The following ATP6V1D variants were observed in gnomAD, a reference collection of about 807,000 sequenced individuals.
ATP6V1D encodes the protein V-type proton ATPase subunit D.
In ATP6V1D, 20 loss-of-function variants were observed where a neutral mutation model predicts 39.4. That is an observed-to-expected ratio of 0.51 (90% CI 0.36 to 0.74). The LOEUF (loss-of-function observed/expected upper bound fraction) is 0.74. Among genes scored for constraint, ATP6V1D ranks in the 30% least tolerant of loss-of-function variants. The pLI, the probability that ATP6V1D is intolerant of heterozygous loss-of-function variation, is 0.00. For missense variants in ATP6V1D, 228 were observed against 291.6 expected (o/e 0.78, Z 1.59); for synonymous variants, 100 against 100.5 (o/e 0.99, Z 0.03).
chr14:67,345,322 C>T (rs917816764), intron 6 of ATP6V1D, among the ~76,000 whole-genome samples: 24 of 151,292 alleles, frequency 1.6e-4, no homozygotes, highest in African/African-American at 5.6e-4. Flanking sequence ...TTTGGGAGGC[C>T]GAGGCGGGTG....
Position 67,345,758 on chromosome 14 carries a change from T to G in ATP6V1D, c.456+10A>C. ...AACTACAGGAGTTCTCCAGGTCTTTTGCTACTTACCTGCAGAGAAGCTAGT... is the reference window on the plus strand; with the variant it reads ...AACTACAGGAGTTCTCCAGGTCTTTGGCTACTTACCTGCAGAGAAGCTAGT... On this transcript the variant is annotated intron_variant, in intron 6 of 8. Coordinates refer to ENST00000216442, the MANE Select transcript of ATP6V1D (RefSeq NM_015994.4). The G allele has an allele frequency of 1.9e-6, 3 of 1,592,492 alleles. No individual in the cohort carries two copies. Among genetic ancestry groups the G allele is most frequent in the Non-Finnish European group, 2.6e-6 (3 of 1,160,454 alleles).
chr14:67,340,704 C>T (rs995661491), intron 7 of ATP6V1D, among the ~76,000 whole-genome samples, 186 bp from the exon 8 acceptor site: 1 of 152,202 alleles, frequency 6.6e-6, no homozygotes, highest in South Asian at 2.1e-4. Context: ...CCTCTCCCCA[C>T]GGTCTCCCTC....
At chr14:67,345,622 A>G in intron 6 of ATP6V1D, 146 bp downstream of exon 6, 1 of 559,770 alleles carries the variant, frequency 1.8e-6, no homozygotes, top group African/African-American at 1.9e-5. Context: ...CACTTCAGAA[A>G]TCAAAATATT....
At chr14:67,353,655 A>T (rs10147362) in intron 1 of ATP6V1D, 47,284 of 151,640 alleles carry the variant, frequency 0.31, 11,281 homozygotes, top group African/African-American at 0.64. Flanking sequence ...GCCCAGCTAT[A>T]TTTTTTTGTA....
At chr14:67,339,985 C>G (rs1398398824) in intron 8 of ATP6V1D, 1 of 142,234 alleles carries the variant, frequency 7.0e-6, no homozygotes, top group East Asian at 2.1e-4. Context: ...GAGCCAAGAT[C>G]GAACCATTGC....
intron 7 of ATP6V1D, among the ~76,000 whole-genome samples, chr14:67,341,188 G>A (rs1187259741): frequency 6.6e-6 from 1 of 152,050 alleles, no homozygotes; most frequent in African/African-American, 2.4e-5. Flanking sequence ...TGGAAAGTGA[G>A]GAGCGTCTGT....
chr14:67,352,514 T>C (rs550759712), intron 2 of ATP6V1D, among the ~76,000 whole-genome samples: 1 of 152,038 alleles, frequency 6.6e-6, no homozygotes, highest in South Asian at 2.1e-4. Flanking sequence ...TAAGGAATTG[T>C]GAGAGAAGCA....
chr14:67,357,162 T>C (rs1049128859), intron 1 of ATP6V1D, among the ~76,000 whole-genome samples: 1 of 152,234 alleles, frequency 6.6e-6, no homozygotes, highest in African/African-American at 2.4e-5. Context: ...CACTCTACAA[T>C]TGTTTTTGCT....
rs73284824 is a variant in ATP6V1D at position 67,339,818 on chromosome 14, G to A, written c.602+622C>T. Among the ~76,000 whole-genome samples, 172 of 152,094 alleles carry A rather than the reference G, an allele frequency of 1.1e-3. 2 individuals are homozygous for A. The highest frequency in any genetic ancestry group is 3.9e-3 in the African/African-American group (161 of 41,496). ...ATTTCATTTTAAAGAATAATCAAGG[G>A]CCAGGCACGGTGGCTCATGCGTGTA... On this transcript the variant is annotated intron_variant, in intron 8 of 8. Transcript: ENST00000216442.
intron 1 of ATP6V1D, among the ~76,000 whole-genome samples, chr14:67,357,567 A>G (rs1349362641): frequency 4.6e-5 from 7 of 152,238 alleles, no homozygotes; most frequent in Non-Finnish European, 7.3e-5. Context: ...TCTCAAAGTA[A>G]AAGTTTCAAA....
chr14:67,338,690 T>G lies in ATP6V1D; in HGVS notation c.675A>C (p.Ala225=). Residue 225 remains alanine, a synonymous_variant, in exon 9 of 9, where the codon GCA becomes GCC. Coordinates refer to ENST00000216442, the MANE Select transcript of ATP6V1D (RefSeq NM_015994.4). ...KSEKDLEQRR[A]AGEVLEPANL... is the part of the protein sequence containing the mutation. ...TAGCAGGCTCCAACACCTCTCCAGC[T>G]GCTCTCCTTTGCTCCAAGTCCTTCT... The G allele has an allele frequency of 6.2e-7, 1 of 1,613,952 alleles. No homozygotes were observed. The highest frequency in any genetic ancestry group is 8.5e-7 in the Non-Finnish European group (1 of 1,179,794).
chr14:67,338,566 G>T lies in ATP6V1D; in HGVS notation c.*55C>A. 6.4e-7 allele frequency: 1 copy of T among 1,572,656 alleles called. No individual in the cohort carries two copies. The highest frequency in any genetic ancestry group is 8.6e-7 in the Non-Finnish European group (1 of 1,159,284). ...GCCACACAAATCAAACCTACACACT[G>T]TGAATTAAAATGAAGCCAGTGTTAG... On this transcript the variant is annotated 3_prime_UTR_variant, in exon 9 of 9. Coordinates refer to ENST00000216442, the MANE Select transcript of ATP6V1D (RefSeq NM_015994.4).
At chr14:67,346,369 T>C (rs1053057300) in intron 5 of ATP6V1D, among the ~76,000 whole-genome samples, 1 of 152,256 alleles carries the variant, frequency 6.6e-6, no homozygotes, top group African/African-American at 2.4e-5. Context: ...TGGAGTGCAG[T>C]GGTGCGATCT....
intron 3 of ATP6V1D, among the ~76,000 whole-genome samples, chr14:67,350,376 G>A (rs1029331264): frequency 4.6e-5 from 7 of 152,218 alleles, no homozygotes; most frequent in African/African-American, 9.6e-5. Flanking sequence ...ATGATACAAC[G>A]TTAAATGAAA....
At position 67,339,286 on chromosome 14, in the gene ATP6V1D, C is replaced by T. The variant is rs574382965; in HGVS notation, c.603-524G>A. Among the ~76,000 whole-genome samples the T allele has an allele frequency of 2.6e-4, 40 of 152,202 alleles. No individual in the cohort carries two copies. In the East Asian group the frequency reaches 7.3e-3, roughly 28 times the overall value. On this transcript the variant is annotated intron_variant, in intron 8 of 8. Transcript: ENST00000216442. ...TGCTGGGATTACAGGCATGAGCCAC[C>T]GAGCCCAGCCTAGAAGCCTTTATTA...
At chr14:67,352,814 C>G in intron 2 of ATP6V1D, 109 bp downstream of exon 2, 1 of 724,102 alleles carries the variant, frequency 1.4e-6, no homozygotes. Flanking sequence ...GGTATTTTTA[C>G]TTTTGAAAGA....
At chr14:67,349,136 G>C (rs1369004354) in intron 3 of ATP6V1D, 32 bp from the exon 4 acceptor site, 14 of 1,599,864 alleles carry the variant, frequency 8.8e-6, no homozygotes, top group Non-Finnish European at 1.2e-5. Context: ...TTATTTAGCA[G>C]ACTCTTCAGA....
intron 3 of ATP6V1D, among the ~76,000 whole-genome samples, chr14:67,349,583 C>G (rs1306283019): frequency 6.6e-6 from 1 of 152,192 alleles, no homozygotes; most frequent in Admixed American, 6.5e-5. Flanking sequence ...GCCTGTAATC[C>G]TGGCACTTTG....
intron 2 of ATP6V1D, among the ~76,000 whole-genome samples, chr14:67,351,776 C>T (rs1284336616): frequency 6.6e-6 from 1 of 152,054 alleles, no homozygotes; most frequent in Non-Finnish European, 1.5e-5. Flanking sequence ...CCACCTCGGC[C>T]TCCCAAAGTG....
Sources: allele counts gnomAD v4.1 joint callset (sites outside exome capture counted in the v4.1 genomes callset), GRCh38; gene constraint gnomAD v4.1.1; transcripts MANE v1.5; gene names NCBI Gene and HGNC (gene_info 2026-07-23, HGNC 2026-07-21).